The following SH3RF3 variants were observed in gnomAD, a reference collection of about 807,000 sequenced individuals.
The protein encoded by SH3RF3 is SH3 domain containing ring finger 3.
SH3RF3 carries 29 observed loss-of-function variants against 66.3 expected under a neutral mutation model. The observed-to-expected ratio is 0.44, with a 90% CI of 0.33 to 0.60. The LOEUF is 0.60. Among genes scored for constraint, SH3RF3 ranks in the 20% least tolerant of loss-of-function variants. SH3RF3 has a pLI of 0.04. For synonymous variants in SH3RF3, 583 were observed against 532.0 expected (o/e 1.10, Z -1.32); for missense variants, 1,194 against 1,190.9 (o/e 1.00, Z -0.04).
chr2:109,373,942 A>C (rs888860497), intron 3 of SH3RF3, among the ~76,000 whole-genome samples: 19 of 151,804 alleles, frequency 1.3e-4, no homozygotes, highest in African/African-American at 4.6e-4. Flanking sequence ...GACCCAGTCC[A>C]GCAGGCTCTC....
intron 4 of SH3RF3, among the ~76,000 whole-genome samples, chr2:109,411,221 A>T (rs1178186403): frequency 2.6e-5 from 4 of 152,196 alleles, no homozygotes; most frequent in Admixed American, 6.5e-5. Flanking sequence ...GGCTGAAAGT[A>T]CATCCAGGCA....
chr2:109,224,634 G>C (rs183333834), intron 1 of SH3RF3, among the ~76,000 whole-genome samples: 2 of 152,344 alleles, frequency 1.3e-5, no homozygotes, highest in Admixed American at 1.3e-4. Context: ...AAGGCGGGCA[G>C]ATCACTTGAG....
Position 109,449,220 on chromosome 2 carries a change from C to A in SH3RF3, c.1879C>A (p.Pro627Thr). 3 of 1,613,618 alleles carry A rather than the reference C, an allele frequency of 1.9e-6. No individual in the cohort carries two copies. Among genetic ancestry groups the A allele is most frequent in the South Asian group, 1.1e-5 (1 of 90,964 alleles). ...AQDRPTATVS[P>T]LRTQNSPSRL... The stretch of plus-strand genomic sequence containing the variant: ...GGACCGGCCAACTGCCACCGTGTCA[C>A]CCCTGCGCACCCAGAACTCTCCATC... The change falls in exon 8 of 10, where the codon CCC (proline) becomes ACC (threonine). Residue 627 changes from proline (P) to threonine (T), a missense_variant. Physicochemically the swap from Pro to Thr is conservative, Grantham distance 38. Transcript: ENST00000309415.
intron 1 of SH3RF3, among the ~76,000 whole-genome samples, chr2:109,203,283 A>G (rs1678728198): frequency 6.6e-6 from 1 of 152,212 alleles, no homozygotes; most frequent in Non-Finnish European, 1.5e-5. Context: ...TGTAATTAAG[A>G]GGCTACAGGT....
chr2:109,321,093 G>A lies in SH3RF3; in HGVS notation c.574-26581G>A, dbSNP rs866161183. On this transcript the variant is annotated intron_variant, in intron 1 of 9. Coordinates refer to ENST00000309415, the MANE Select transcript of SH3RF3 (RefSeq NM_001099289.3). Reference sequence around the variant, plus strand: ...TAATGATTACTACTGATAATGATTAGTGATAAGTAGTATTCATGGAAGAAA... The same window carrying A: ...TAATGATTACTACTGATAATGATTAATGATAAGTAGTATTCATGGAAGAAA... Among the ~76,000 whole-genome samples, 19 of 152,326 alleles carry A rather than the reference G, an allele frequency of 1.2e-4. No homozygotes were observed. In the South Asian group the frequency reaches 2.1e-3, roughly 17 times the overall value.
chr2:109,444,268 A>T (rs1389673205), intron 7 of SH3RF3, among the ~76,000 whole-genome samples: 1 of 152,240 alleles, frequency 6.6e-6, no homozygotes. Flanking sequence ...TAAAAAATAC[A>T]GTAATTAAGT....
intron 3 of SH3RF3, among the ~76,000 whole-genome samples, chr2:109,378,248 A>C (rs1337303848): frequency 1.3e-5 from 2 of 152,214 alleles, no homozygotes; most frequent in Admixed American, 1.3e-4. Flanking sequence ...GAGCTGGCTC[A>C]TATTCACAGT....
intron 1 of SH3RF3, among the ~76,000 whole-genome samples, chr2:109,236,268 G>C (rs72952055): frequency 0.015 from 2,318 of 152,176 alleles, 59 homozygotes; most frequent in African/African-American, 0.053. Flanking sequence ...AATTCCCCTC[G>C]GTCCTAAAGT....
At chr2:109,274,113 G>A (rs991983699) in intron 1 of SH3RF3, among the ~76,000 whole-genome samples, 1 of 152,124 alleles carries the variant, frequency 6.6e-6, no homozygotes, top group African/African-American at 2.4e-5. Context: ...AATCATTTGT[G>A]GTAGTATGTC....
intron 5 of SH3RF3, among the ~76,000 whole-genome samples, chr2:109,424,894 G>T (rs1016146061): frequency 1.9e-4 from 29 of 152,188 alleles, no homozygotes; most frequent in African/African-American, 6.3e-4. Flanking sequence ...CTCACTTTAA[G>T]TCAAAAGTTA....
intron 1 of SH3RF3, among the ~76,000 whole-genome samples, chr2:109,189,889 C>T (rs763255519): frequency 2.0e-5 from 3 of 152,074 alleles, no homozygotes; most frequent in Non-Finnish European, 4.4e-5. Context: ...AAGGTTGGAG[C>T]GATCATACTT....
At chr2:109,241,678 C>T (rs1574523556) in intron 1 of SH3RF3, among the ~76,000 whole-genome samples, 1 of 152,092 alleles carries the variant, frequency 6.6e-6, no homozygotes, top group African/African-American at 2.4e-5. Context: ...CGGCAGTTCT[C>T]TCCCCCAGTC....
chr2:109,317,320 AG>A (rs34839552), intron 1 of SH3RF3, among the ~76,000 whole-genome samples: 1 of 152,020 alleles, frequency 6.6e-6, no homozygotes, highest in Admixed American at 6.5e-5. Flanking sequence ...CCTGTCCCTG[AG>A]GGGGCGTCTG....
intron 3 of SH3RF3, among the ~76,000 whole-genome samples, chr2:109,384,013 C>G (rs775170750): frequency 6.6e-6 from 1 of 152,214 alleles, no homozygotes; most frequent in African/African-American, 2.4e-5. Context: ...TGAAGGCAGC[C>G]CATCCTTTCC....
intron 1 of SH3RF3, among the ~76,000 whole-genome samples, chr2:109,156,463 G>C (rs1487976863): frequency 1.4e-5 from 2 of 146,572 alleles, no homozygotes; most frequent in Admixed American, 1.4e-4. Context: ...TTTTTTTTTT[G>C]AGATGAAGTT....
chr2:109,131,164 A>C (rs958884590), intron 1 of SH3RF3, among the ~76,000 whole-genome samples: 1 of 152,220 alleles, frequency 6.6e-6, no homozygotes, highest in African/African-American at 2.4e-5. Context: ...TGGATTAGGC[A>C]GTACTGCAAA....
rs561210750 is a variant in SH3RF3 at position 109,154,898 on chromosome 2, T to C, written c.573+24785T>C. 7.7e-4 allele frequency among the ~76,000 whole-genome samples: 117 copies of C among 152,344 alleles called. 2 individuals carry two copies. Among genetic ancestry groups the C allele is most frequent in the African/African-American group, 2.8e-3 (117 of 41,580 alleles). On this transcript the variant is annotated intron_variant, in intron 1 of 9. Coordinates refer to ENST00000309415, the MANE Select transcript of SH3RF3 (RefSeq NM_001099289.3). ...GGGAGCAGAGCGAGCTCCAGCTTCC[T>C]CAGGTGGCCTTTGGAGAGTGTTGGC...
At chr2:109,296,314 G>T (rs905439962) in intron 1 of SH3RF3, among the ~76,000 whole-genome samples, 28 of 151,922 alleles carry the variant, frequency 1.8e-4, no homozygotes, top group Admixed American at 8.5e-4. Flanking sequence ...TGCAACCCCT[G>T]CCTCCCAGGT....
chr2:109,250,222 A>G (rs1207543937), intron 1 of SH3RF3, among the ~76,000 whole-genome samples: 1 of 151,616 alleles, frequency 6.6e-6, no homozygotes, highest in Admixed American at 6.6e-5. Context: ...ATTTGTATTT[A>G]GGGAAAGGCA....
Sources: allele counts gnomAD v4.1 joint callset (sites outside exome capture counted in the v4.1 genomes callset), GRCh38; gene constraint gnomAD v4.1.1; transcripts MANE v1.5; gene names NCBI Gene and HGNC (gene_info 2026-07-23, HGNC 2026-07-21).